Variants in ANO3 observed in about 807,000 individuals in gnomAD.
The protein encoded by ANO3 is anoctamin-3.
Under a neutral mutation model 144.8 loss-of-function variants are expected in ANO3, and 99 were observed. The observed-to-expected ratio is 0.68, with a 90% CI of 0.58 to 0.81. The LOEUF is 0.81. ANO3 is among the 30% of genes least tolerant of loss of function. ANO3 has a pLI of 0.00. For synonymous variants in ANO3, 414 were observed against 392.6 expected (o/e 1.05, Z -0.64); for missense variants, 905 against 1,202.2 (o/e 0.75, Z 3.66).
intron 1 of ANO3, among the ~76,000 whole-genome samples, chr11:26,210,550 T>C (rs989099333): frequency 8.5e-5 from 13 of 152,210 alleles, no homozygotes; most frequent in Admixed American, 7.2e-4. Flanking sequence ...GAAGATAGCA[T>C]TGAATCTGTA....
intron 1 of ANO3, among the ~76,000 whole-genome samples, chr11:26,373,798 C>A (rs1162658054): frequency 6.6e-6 from 1 of 152,054 alleles, no homozygotes; most frequent in Non-Finnish European, 1.5e-5. Flanking sequence ...AAGTAATTAA[C>A]AGTTTGGTAA....
rs1590459622 is a variant in ANO3, at chr11:26,525,695, A to G, written c.737+16A>G. On this transcript the variant is annotated intron_variant, in intron 7 of 26. Transcript: ENST00000256737. ...CAATGGGCAGGTTGGTGGGTGATGAATCATTTCTTTATAACAAATTTGTCG... is the reference window on the plus strand; with the variant it reads ...CAATGGGCAGGTTGGTGGGTGATGAGTCATTTCTTTATAACAAATTTGTCG... The G allele has an allele frequency of 5.6e-6, 9 of 1,599,108 alleles. No individual in the cohort carries two copies. Among genetic ancestry groups the G allele is most frequent in the Non-Finnish European group, 7.7e-6 (9 of 1,172,312 alleles).
chr11:26,490,196 T>A (rs1198443068), intron 4 of ANO3, among the ~76,000 whole-genome samples: 6 of 152,212 alleles, frequency 3.9e-5, no homozygotes, highest in Non-Finnish European at 7.3e-5. Context: ...TCGTGAGATC[T>A]GATGGGTTTA....
chr11:26,194,438 TGG>T (rs1564911907), intron 1 of ANO3, among the ~76,000 whole-genome samples: 1 of 60,284 alleles, frequency 1.7e-5, no homozygotes, highest in Admixed American at 1.8e-4. Flanking sequence ...GGGTACATAG[TGG>T]TGTGTGTGTG....
chr11:26,464,293 A>G (rs910705333), intron 4 of ANO3, among the ~76,000 whole-genome samples: 8 of 151,810 alleles, frequency 5.3e-5, no homozygotes, highest in African/African-American at 1.7e-4. Context: ...TTATCTTTCT[A>G]TGGTTACTAA....
intron 1 of ANO3, among the ~76,000 whole-genome samples, chr11:26,252,268 A>G (rs1378585379): frequency 6.6e-6 from 1 of 152,248 alleles, no homozygotes; most frequent in East Asian, 1.9e-4. Context: ...ACGCATCATA[A>G]GAAAAGTAAT....
intron 18 of ANO3, 71 bp from the exon 19 acceptor site, chr11:26,634,133 C>A: frequency 1.1e-5 from 8 of 756,354 alleles, no homozygotes; most frequent in Non-Finnish European, 1.7e-5. Context: ...CTTGGGGTTT[C>A]TGCCTCCATG....
chr11:26,402,601 C>A (rs1166690207), intron 1 of ANO3, among the ~76,000 whole-genome samples: 1 of 151,712 alleles, frequency 6.6e-6, no homozygotes, highest in Non-Finnish European at 1.5e-5. Context: ...AGCAAGCTAA[C>A]CCAGGAACAG....
chr11:26,315,684 TCCATCTATCTATCTATCTATCTATCTAC>T (rs1249161019), intron 1 of ANO3, among the ~76,000 whole-genome samples: 3 of 142,180 alleles, frequency 2.1e-5, no homozygotes, highest in Non-Finnish European at 4.6e-5. Flanking sequence ...TATCTATCTA[TCCATCTATCTATCTATCTATCTATCTAC>T]CTACCTACCT....
At chr11:26,339,014 G>T (rs1380397805) in intron 1 of ANO3, among the ~76,000 whole-genome samples, 1 of 152,134 alleles carries the variant, frequency 6.6e-6, no homozygotes, top group Non-Finnish European at 1.5e-5. Context: ...ACTCCCTAAG[G>T]CTTTAATAAT....
chr11:26,403,042 C>G (rs1857189948), intron 1 of ANO3, among the ~76,000 whole-genome samples: 2 of 151,892 alleles, frequency 1.3e-5, no homozygotes, highest in South Asian at 4.1e-4. Context: ...CGATGGACCA[C>G]TTAAATGTGT....
At chr11:26,271,318 A>G (rs74469492) in intron 1 of ANO3, among the ~76,000 whole-genome samples, 4,152 of 152,316 alleles carry the variant, frequency 0.027, 97 homozygotes, top group African/African-American at 0.067. Flanking sequence ...ATCTTATGGG[A>G]GGTAAACTTG....
chr11:26,274,319 T>C (rs56369296), intron 1 of ANO3, among the ~76,000 whole-genome samples: 2,523 of 152,212 alleles, frequency 0.017, 68 homozygotes, highest in African/African-American at 0.058. Context: ...CAATACAATC[T>C]GCTCTATCTA....
At chr11:26,477,104 A>G (rs192067244) in intron 4 of ANO3, among the ~76,000 whole-genome samples, 324 of 152,170 alleles carry the variant, frequency 2.1e-3, no homozygotes, top group African/African-American at 7.4e-3. Context: ...CAATTGATTC[A>G]TTTGCACATT....
intron 3 of ANO3, among the ~76,000 whole-genome samples, chr11:26,452,481 T>C (rs549986344): frequency 6.6e-6 from 1 of 151,844 alleles, no homozygotes; most frequent in Non-Finnish European, 1.5e-5. Context: ...AGGGTATCAG[T>C]GATAGAAGAT....
chr11:26,435,195 G>A (rs1487006304), intron 1 of ANO3, among the ~76,000 whole-genome samples: 1 of 151,948 alleles, frequency 6.6e-6, no homozygotes, highest in Non-Finnish European at 1.5e-5. Flanking sequence ...TTTTGATCCG[G>A]ATATGAAATG....
chr11:26,231,756 T>C (rs1310199415), intron 1 of ANO3, among the ~76,000 whole-genome samples: 1 of 152,220 alleles, frequency 6.6e-6, no homozygotes, highest in Non-Finnish European at 1.5e-5. Context: ...GAGCAAGGAA[T>C]GCGTCTACGA....
chr11:26,195,468 T>C (rs1179250539), intron 1 of ANO3, among the ~76,000 whole-genome samples: 1 of 152,240 alleles, frequency 6.6e-6, no homozygotes, highest in Non-Finnish European at 1.5e-5. Flanking sequence ...AGAGTTAATG[T>C]AGCCTTTAGA....
At chr11:26,551,098 G>C (rs189071282) in intron 12 of ANO3, among the ~76,000 whole-genome samples, 5 of 152,074 alleles carry the variant, frequency 3.3e-5, no homozygotes, top group Non-Finnish European at 5.9e-5. Flanking sequence ...CCAAAAATGT[G>C]TACCACAAAG....
Sources: allele counts gnomAD v4.1 joint callset (sites outside exome capture counted in the v4.1 genomes callset), GRCh38; gene constraint gnomAD v4.1.1; transcripts MANE v1.5; gene names NCBI Gene and HGNC (gene_info 2026-07-23, HGNC 2026-07-21).